The following UGT2B10 variants were observed in gnomAD, a reference collection of about 807,000 sequenced individuals.
UGT2B10 encodes UDP-glucuronosyltransferase 2B10.
UGT2B10 carries 51 observed loss-of-function variants against 43.7 expected under a neutral mutation model. That is an observed-to-expected ratio of 1.17 (90% CI 0.93 to 1.47). The LOEUF (loss-of-function observed/expected upper bound fraction) is 1.47. UGT2B10 is among the 40% of genes most tolerant of loss of function. The pLI is 0.00. For missense variants in UGT2B10, 696 were observed against 617.7 expected (o/e 1.13, Z -1.34); for synonymous variants, 225 against 209.0 (o/e 1.08, Z -0.66).
In UGT2B10 at chr4:68,830,740, C is replaced by T; in HGVS notation, c.1448C>T (p.Thr483Ile). 1 of 1,613,294 alleles carries T rather than the reference C, an allele frequency of 6.2e-7. No homozygotes were observed. Among genetic ancestry groups the T allele is most frequent in the Non-Finnish European group, 8.5e-7 (1 of 1,179,552 alleles). Reference sequence around the variant, plus strand: ...CTTCGAGTTGCAGCCCACAACCTCACCTGGTTCCAGTACCACTCTTTGGAT... The same window carrying T: ...CTTCGAGTTGCAGCCCACAACCTCATCTGGTTCCAGTACCACTCTTTGGAT... ...KHLRVAAHNL[T>I]WFQYHSLDVI... The change falls in exon 6 of 6, where the codon ACC (threonine) becomes ATC (isoleucine). Residue 483 changes from threonine to isoleucine, a missense_variant. Thr to Ile is a moderately conservative substitution (Grantham distance 89). Coordinates refer to ENST00000265403, the MANE Select transcript of UGT2B10 (RefSeq NM_001075.6).
At chr4:68,827,299 A>T in intron 4 of UGT2B10, 30 bp from the exon 5 acceptor site, 1 of 1,612,110 alleles carries the variant, frequency 6.2e-7, no homozygotes. Context: ...ATTCCTATGA[A>T]TAATTTTGCT....
chr4:68,825,490 C>T (rs1737727790), intron 3 of UGT2B10, among the ~76,000 whole-genome samples: 1 of 151,914 alleles, frequency 6.6e-6, no homozygotes, highest in Non-Finnish European at 1.5e-5. Context: ...TCTTTCCTCC[C>T]ATCCTCCACC....
At chr4:68,829,883 T>C (rs540428214) in intron 5 of UGT2B10, among the ~76,000 whole-genome samples, 26 of 152,168 alleles carry the variant, frequency 1.7e-4, no homozygotes, top group African/African-American at 5.5e-4. Context: ...ATTCTTAAAA[T>C]AATGAGAAGC....
chr4:68,824,004 A>T (rs1429003589), intron 3 of UGT2B10, among the ~76,000 whole-genome samples: 1 of 152,170 alleles, frequency 6.6e-6, no homozygotes, highest in Non-Finnish European at 1.5e-5. Context: ...CACACTACAG[A>T]TGTTATCAGA....
chr4:68,818,880 T>C (rs1000287961), intron 2 of UGT2B10, among the ~76,000 whole-genome samples: 1 of 151,876 alleles, frequency 6.6e-6, no homozygotes, highest in African/African-American at 2.4e-5. Flanking sequence ...AAATATTTAT[T>C]AAGAACATTG....
intron 5 of UGT2B10, among the ~76,000 whole-genome samples, chr4:68,830,031 A>G (rs1738009712): frequency 6.6e-6 from 1 of 152,076 alleles, no homozygotes; most frequent in Admixed American, 6.6e-5. Flanking sequence ...CATGTCACTC[A>G]CCATGATAAA....
chr4:68,816,061 T>C lies in UGT2B10; in HGVS notation c.42T>C (p.Ser14=). The C allele has an allele frequency of 6.2e-7, 1 of 1,612,952 alleles. No homozygotes were observed. Among genetic ancestry groups the C allele is most frequent in the Non-Finnish European group, 8.5e-7 (1 of 1,179,246 alleles). The change falls in exon 1 of 6, where the codon AGT becomes AGC. Residue 14 remains serine (S), a synonymous_variant. Transcript: ENST00000265403. ...KWTTVLLIQL[S]FYFSSGSCGK... ...CTACAGTTCTGCTGATACAACTCAG[T>C]TTTTACTTTAGCTCTGGGAGTTGTG...
chr4:68,817,204 G>T (rs1737258150), intron 1 of UGT2B10, among the ~76,000 whole-genome samples: 1 of 151,702 alleles, frequency 6.6e-6, no homozygotes, highest in African/African-American at 2.4e-5. Context: ...CCAGGAGGTT[G>T]TCTTCACAGT....
intron 4 of UGT2B10, 90 bp downstream of exon 4, chr4:68,826,587 G>T: frequency 1.4e-6 from 2 of 1,429,118 alleles, no homozygotes; most frequent in South Asian, 1.4e-5. Context: ...TTGAATATTT[G>T]TTATAGGAAA....
chr4:68,828,430 A>T (rs775295231), intron 5 of UGT2B10, among the ~76,000 whole-genome samples: 5 of 152,002 alleles, frequency 3.3e-5, no homozygotes, highest in Admixed American at 1.3e-4. Context: ...AATACTCTAA[A>T]AATACTTTAT....
intron 2 of UGT2B10, among the ~76,000 whole-genome samples, chr4:68,820,370 C>A (rs970954227): frequency 6.6e-6 from 1 of 151,882 alleles, no homozygotes; most frequent in South Asian, 2.1e-4. Flanking sequence ...AGACACTTGA[C>A]AAAATGTATC....
chr4:68,830,727 G>C lies in UGT2B10; in HGVS notation c.1435G>C (p.Ala479Pro), dbSNP rs1292142422. 1.9e-6 allele frequency: 3 copies of C among 1,613,444 alleles called. No homozygotes were observed. The highest frequency in any genetic ancestry group is 2.5e-6 in the Non-Finnish European group (3 of 1,179,542). ...HKGAKHLRVA[A>P]HNLTWFQYHS... is the part of the protein sequence containing the mutation. ...AGGAGCCAAACATCTTCGAGTTGCA[G>C]CCCACAACCTCACCTGGTTCCAGTA... The change falls in exon 6 of 6, where the codon GCC (alanine) becomes CCC (proline). Residue 479 changes from alanine (A) to proline (P), a missense_variant. Physicochemically the swap from Ala to Pro is conservative, Grantham distance 27 (BLOSUM62 -1). Coordinates refer to ENST00000265403, the MANE Select transcript of UGT2B10 (RefSeq NM_001075.6).
Position 68,830,453 on chromosome 4 carries a change from T to C in UGT2B10, c.1308-147T>C, listed in dbSNP as rs1266572620. The stretch of plus-strand genomic sequence containing the variant: ...AATTTAAAAGCCAAACTTTGTATGA[T>C]GACTCAAATTAAAATACATAAATTC... On this transcript the variant is annotated intron_variant, in intron 5 of 5. Transcript: ENST00000265403. The C allele has an allele frequency of 1.3e-5, 14 of 1,067,294 alleles. No homozygotes were observed. The East Asian group carries it at 1.9e-4, about 14-fold the overall frequency. 66.1% of individuals were successfully genotyped at this position (1,067,294 alleles called of 1,614,324 possible). A position where few individuals can be genotyped will look rare whatever the true frequency, so the allele number is the denominator to read the frequency against.
At chr4:68,823,810 T>C (rs117881088) in intron 3 of UGT2B10, among the ~76,000 whole-genome samples, 2,541 of 152,246 alleles carry the variant, frequency 0.017, 95 homozygotes, top group East Asian at 0.13. Flanking sequence ...GATGATGCTA[T>C]AATAATAGGC....
At position 68,827,374 on chromosome 4, in the gene UGT2B10, G is replaced by A. The variant is rs750785268; in HGVS notation, c.1133G>A (p.Gly378Asp). 1.1e-5 allele frequency: 18 copies of A among 1,613,240 alleles called. No individual in the cohort carries two copies. The highest frequency in any genetic ancestry group is 1.4e-5 in the Non-Finnish European group (17 of 1,179,526). The change falls in exon 5 of 6, where the codon GGC becomes GAC. Residue 378 changes from glycine to aspartate, a missense_variant. By Grantham distance (94) the Gly-to-Asp change is moderately conservative. Coordinates refer to ENST00000265403, the MANE Select transcript of UGT2B10 (RefSeq NM_001075.6). ...RAFITHGGAN[G>D]IYEAIYHGIP... ...TTTATAACTCATGGTGGAGCCAATG[G>A]CATCTATGAGGCAATCTACCATGGG...
chr4:68,826,948 A>G (rs531925796), intron 4 of UGT2B10, among the ~76,000 whole-genome samples: 1 of 152,188 alleles, frequency 6.6e-6, no homozygotes, highest in Non-Finnish European at 1.5e-5. Context: ...TCTTTCCTCA[A>G]TCTTAGCACC....
chr4:68,831,046 G>A lies in UGT2B10; in HGVS notation c.*167G>A. The A allele has an allele frequency of 1.2e-6, 1 of 843,400 alleles. No individual in the cohort carries two copies. Among genetic ancestry groups the A allele is most frequent in the Non-Finnish European group, 1.8e-6 (1 of 553,690 alleles). 52.2% of individuals were successfully genotyped at this position (843,400 alleles called of 1,614,324 possible). A position where few individuals can be genotyped will look rare whatever the true frequency, so the allele number is the denominator to read the frequency against. On this transcript the variant is annotated 3_prime_UTR_variant, in exon 6 of 6. Transcript: ENST00000265403. ...TTGTTTTTCAGAGATTTACCACCCA[G>A]TTAATGGTTAGAAATATTCTGTGGC...
intron 2 of UGT2B10, among the ~76,000 whole-genome samples, 155 bp from the exon 3 acceptor site, chr4:68,822,116 G>T (rs1489263329): frequency 6.6e-6 from 1 of 152,016 alleles, no homozygotes; most frequent in East Asian, 1.9e-4. Flanking sequence ...TTCTTGCAAA[G>T]AAACAGTGAT....
At chr4:68,827,572 T>C in intron 5 of UGT2B10, 24 bp downstream of exon 5, 2 of 1,612,618 alleles carry the variant, frequency 1.2e-6, no homozygotes, top group Non-Finnish European at 1.7e-6. Flanking sequence ...TATTTTTCAC[T>C]AGATGGTATT....
Sources: allele counts gnomAD v4.1 joint callset (sites outside exome capture counted in the v4.1 genomes callset), GRCh38; gene constraint gnomAD v4.1.1; transcripts MANE v1.5; gene names NCBI Gene and HGNC (gene_info 2026-07-23, HGNC 2026-07-21).